Variants in ENTHD1 observed in about 807,000 individuals in gnomAD.
ENTHD1 encodes the protein ENTH domain-containing protein 1.
ENTHD1 carries 23 observed loss-of-function variants against 39.1 expected under a neutral mutation model. The ratio of observed to expected loss-of-function variants is 0.59; its 90% confidence interval spans 0.42 to 0.83. The LOEUF (loss-of-function observed/expected upper bound fraction) is 0.83, where lower values mean the gene tolerates loss of function less well. ENTHD1 is among the 40% of genes least tolerant of loss of function. ENTHD1 has a pLI of 0.00. For synonymous variants in ENTHD1, 230 were observed against 258.2 expected (o/e 0.89, Z 1.05); for missense variants, 624 against 705.4 (o/e 0.88, Z 1.31).
At chr22:39,824,403 G>T (rs1445365906) in intron 4 of ENTHD1, among the ~76,000 whole-genome samples, 2 of 151,730 alleles carry the variant, frequency 1.3e-5, no homozygotes, top group East Asian at 1.9e-4. Context: ...TAGAGACGGG[G>T]TTTTACCGTG....
chr22:39,751,061 TAAAA>T (rs1211613957), intron 6 of ENTHD1: 1 of 153,196 alleles, frequency 6.5e-6, no homozygotes, highest in Non-Finnish European at 1.5e-5. Flanking sequence ...AAGAGGAAAA[TAAAA>T]AATTCATATT....
At chr22:39,891,581 A>G in intron 1 of ENTHD1, among the ~76,000 whole-genome samples, 1 of 149,724 alleles carries the variant, frequency 6.7e-6, no homozygotes, top group Non-Finnish European at 1.5e-5. Context: ...AGCTGGGACT[A>G]CAGGTGCATA....
At chr22:39,758,131 G>T (rs1017446181) in intron 6 of ENTHD1, among the ~76,000 whole-genome samples, 1 of 152,144 alleles carries the variant, frequency 6.6e-6, no homozygotes, top group Non-Finnish European at 1.5e-5. Context: ...CTGAAATCTT[G>T]CTAAACTCAC....
intron 5 of ENTHD1, among the ~76,000 whole-genome samples, chr22:39,792,099 G>A (rs902980890): frequency 6.6e-5 from 10 of 152,134 alleles, no homozygotes; most frequent in African/African-American, 2.2e-4. Flanking sequence ...AGTATTCCAT[G>A]GTGTATATGT....
chr22:39,798,657 G>A (rs2065571318), intron 5 of ENTHD1, among the ~76,000 whole-genome samples: 1 of 152,220 alleles, frequency 6.6e-6, no homozygotes, highest in Non-Finnish European at 1.5e-5. Context: ...GCCTGTCCTT[G>A]GGCCCCTGGG....
intron 5 of ENTHD1, among the ~76,000 whole-genome samples, chr22:39,776,775 G>T (rs2065368695): frequency 6.6e-6 from 1 of 152,214 alleles, no homozygotes; most frequent in East Asian, 1.9e-4. Context: ...GTTTGCAGAT[G>T]ACGATGAAAT....
At chr22:39,778,720 T>G (rs1437630224) in intron 5 of ENTHD1, among the ~76,000 whole-genome samples, 1 of 152,230 alleles carries the variant, frequency 6.6e-6, no homozygotes, top group Non-Finnish European at 1.5e-5. Flanking sequence ...ATGGTCCTTG[T>G]TCTTACAGCT....
chr22:39,883,128 T>C (rs1176190393), intron 2 of ENTHD1, among the ~76,000 whole-genome samples: 2 of 152,008 alleles, frequency 1.3e-5, no homozygotes, highest in Non-Finnish European at 2.9e-5. Flanking sequence ...ATGTGTACAA[T>C]GTTATCAATC....
chr22:39,829,118 A>G (rs538665170), intron 4 of ENTHD1, among the ~76,000 whole-genome samples: 1 of 152,348 alleles, frequency 6.6e-6, no homozygotes, highest in African/African-American at 2.4e-5. Context: ...GTCTTCTGCT[A>G]CAAGAGCAGA....
chr22:39,744,078 C>G lies in ENTHD1; in HGVS notation c.1425G>C (p.Arg475Ser), dbSNP rs2065083982. 2 of 1,614,042 alleles carry G rather than the reference C, an allele frequency of 1.2e-6. No homozygotes were observed. The highest frequency in any genetic ancestry group is 2.7e-5 in the African/African-American group (2 of 75,010). ...TAKLHHSFAS[R>S]GPVSSDVEEN... ...CCTCTACATCAGAAGACACTGGGCC[C>G]CTAGAAGCAAAGGAGTGATGCAGCT... Residue 475 changes from arginine to serine, a missense_variant, in exon 7 of 7, where the codon AGG (arginine) becomes AGC (serine). By Grantham distance (110) the Arg-to-Ser change is moderately radical. Coordinates refer to ENST00000325157, the MANE Select transcript of ENTHD1 (RefSeq NM_152512.4).
At chr22:39,766,646 T>A (rs911420092) in intron 5 of ENTHD1, among the ~76,000 whole-genome samples, 2 of 152,238 alleles carry the variant, frequency 1.3e-5, no homozygotes, top group Admixed American at 6.5e-5. Context: ...TGAGTGATTA[T>A]ACATCACAAT....
chr22:39,872,643 A>C (rs2066253085), intron 2 of ENTHD1, among the ~76,000 whole-genome samples: 2 of 152,206 alleles, frequency 1.3e-5, no homozygotes, highest in Non-Finnish European at 2.9e-5. Flanking sequence ...TCTGGTGAGC[A>C]AATAGGTAGG....
rs553858164 is a variant in ENTHD1 at position 39,837,363 on chromosome 22, G to C, written c.593-1405C>G. On this transcript the variant is annotated intron_variant, in intron 3 of 6. Coordinates refer to ENST00000325157, the MANE Select transcript of ENTHD1 (RefSeq NM_152512.4). ...ATCTGCCTGAGAATGCAACTATGCA[G>C]AGGTATCAGGCTAGTTCTTTCCCCT... 6.3e-4 allele frequency among the ~76,000 whole-genome samples: 96 copies of C among 152,202 alleles called. 1 individual carries two copies. Among genetic ancestry groups the C allele is most frequent in the Non-Finnish European group, 7.6e-4 (52 of 68,032 alleles).
chr22:39,766,019 C>CAAAAAAAA lies in ENTHD1; in HGVS notation c.833-418_833-411dup, dbSNP rs11367784. Reference sequence around the variant, plus strand: ...TCTATCCTTACAGAACCCTCAGCTACAAAAAAAAAAAAAAAAAAAAAAAAA... The same window carrying CAAAAAAAA: ...TCTATCCTTACAGAACCCTCAGCTACAAAAAAAAAAAAAAAAAAAAAAAAAAAAAAAAA... On this transcript the variant is annotated intron_variant, in intron 5 of 6. Coordinates refer to ENST00000325157, the MANE Select transcript of ENTHD1 (RefSeq NM_152512.4). Among the ~76,000 whole-genome samples the CAAAAAAAA allele has an allele frequency of 8.3e-3, 403 of 48,398 alleles. 2 individuals carry two copies. Among genetic ancestry groups the CAAAAAAAA allele is most frequent in the Non-Finnish European group, 8.8e-3 (236 of 26,960 alleles). The allele number at this position is 48,398 out of a possible 152,430, so 31.8% of individuals were successfully genotyped here. A position where few individuals can be genotyped will look rare whatever the true frequency, so the allele number is the denominator to read the frequency against.
chr22:39,777,784 A>G (rs2065377270), intron 5 of ENTHD1, among the ~76,000 whole-genome samples: 1 of 152,262 alleles, frequency 6.6e-6, no homozygotes, highest in Non-Finnish European at 1.5e-5. Flanking sequence ...GGTTCCACCA[A>G]TTATAAAAAC....
chr22:39,751,458 T>C (rs2065146907), intron 6 of ENTHD1, among the ~76,000 whole-genome samples: 1 of 152,256 alleles, frequency 6.6e-6, no homozygotes, highest in Non-Finnish European at 1.5e-5. Context: ...GACTTGTCTC[T>C]GGTTTTGGAA....
intron 5 of ENTHD1, among the ~76,000 whole-genome samples, chr22:39,818,475 A>G (rs1163742705): frequency 1.3e-5 from 2 of 152,212 alleles, no homozygotes; most frequent in African/African-American, 2.4e-5. Flanking sequence ...GACATTCTAA[A>G]GAGAAGAAAG....
chr22:39,865,157 A>G (rs2146731926), intron 2 of ENTHD1, among the ~76,000 whole-genome samples: 1 of 152,198 alleles, frequency 6.6e-6, no homozygotes, highest in South Asian at 2.1e-4. Flanking sequence ...ATTTGAGGAC[A>G]GCTGCAATAG....
intron 5 of ENTHD1, among the ~76,000 whole-genome samples, chr22:39,802,617 G>C (rs965636762): frequency 6.6e-6 from 1 of 152,220 alleles, no homozygotes; most frequent in Admixed American, 6.5e-5. Flanking sequence ...CCTTGGGGAA[G>C]AGGAATTCTA....
Sources: allele counts gnomAD v4.1 joint callset (sites outside exome capture counted in the v4.1 genomes callset), GRCh38; gene constraint gnomAD v4.1.1; transcripts MANE v1.5; gene names NCBI Gene and HGNC (gene_info 2026-07-23, HGNC 2026-07-21).